PRKAR1A: variants seen among roughly 807,000 people sequenced by gnomAD.
PRKAR1A encodes cAMP-dependent protein kinase type I-alpha regulatory subunit.
In PRKAR1A, 3 loss-of-function variants were observed where a neutral mutation model predicts 52.0. The observed-to-expected ratio is 0.06, with a 90% confidence interval of 0.03 to 0.15. The LOEUF is 0.15. Among genes scored for constraint, PRKAR1A ranks in the 10% least tolerant of loss-of-function variants. The probability of loss-of-function intolerance (pLI) is 1.00; values close to 1 mark genes in which losing one functional copy is unlikely to be tolerated. For synonymous variants in PRKAR1A, 188 were observed against 168.4 expected (o/e 1.12, Z -0.90); for missense variants, 240 against 477.4 (o/e 0.50, Z 4.63).
At chr17:68,515,261 C>A in intron 1 of PRKAR1A, 133 bp from the exon 2 acceptor site, 1 of 923,818 alleles carries the variant, frequency 1.1e-6, no homozygotes, top group Non-Finnish European at 1.7e-6. Flanking sequence ...TCCCCACTTC[C>A]CTGTTTAAAA....
chr17:68,419,131 C>T, the PRKAR1A span, among the ~76,000 whole-genome samples: 3 of 152,178 alleles, frequency 2.0e-5, no homozygotes, highest in South Asian at 4.1e-4. Context: ...TTCGAATCCA[C>T]GTAAGACTGT....
chr17:68,451,409 G>C, the PRKAR1A span, among the ~76,000 whole-genome samples: 1 of 152,180 alleles, frequency 6.6e-6, no homozygotes, highest in South Asian at 2.1e-4. Flanking sequence ...ACTCCAGCCT[G>C]GGCGACAAGC....
chr17:68,504,198 C>T, the PRKAR1A span, among the ~76,000 whole-genome samples: 1 of 152,206 alleles, frequency 6.6e-6, no homozygotes, highest in South Asian at 2.1e-4. Context: ...GGCATGGTGA[C>T]TCACACCTGT....
chr17:68,533,466 TTC>T, downstream of PRKAR1A: 1 of 1,025,374 alleles, frequency 9.8e-7, no homozygotes, highest in Non-Finnish European at 1.2e-6. Flanking sequence ...TATAGTTGAA[TTC>T]TCTCTAAACA....
At chr17:68,474,457 T>G in the PRKAR1A span, among the ~76,000 whole-genome samples, 2 of 152,302 alleles carry the variant, frequency 1.3e-5, no homozygotes, top group Non-Finnish European at 2.9e-5. Flanking sequence ...GGGGCCCGCT[T>G]GATCTCCGGT....
the PRKAR1A span, among the ~76,000 whole-genome samples, chr17:68,461,985 G>A: frequency 6.6e-6 from 1 of 152,178 alleles, no homozygotes; most frequent in Non-Finnish European, 1.5e-5. This position sits in a 1 kb window ranked among gnomAD's most constrained non-coding sequence, Gnocchi z 4.6. Flanking sequence ...TGGCTGCAGT[G>A]AATGAAGAGG....
downstream of PRKAR1A, among the ~76,000 whole-genome samples, chr17:68,534,340 G>C (rs943445008): frequency 6.6e-6 from 1 of 152,130 alleles, no homozygotes; most frequent in African/African-American, 2.4e-5. Context: ...TGAGTTAACT[G>C]TTGATCCTTA....
At chr17:68,469,183 T>C in the PRKAR1A span, among the ~76,000 whole-genome samples, 1 of 149,424 alleles carries the variant, frequency 6.7e-6, no homozygotes, top group South Asian at 2.2e-4. Flanking sequence ...TCACTCATTT[T>C]GCACCATTTT....
In PRKAR1A at chr17:68,533,203, T is replaced by C. The variant is rs1425114513; in HGVS notation, c.*2754T>C. On this transcript the variant is annotated 3_prime_UTR_variant, in exon 11 of 11. Transcript: ENST00000589228. ...ATAAAGCCTCATATATAAAGCCTTATTTCTGATGCTCTTAGATTTCTGAGG... is the reference window on the plus strand; with the variant it reads ...ATAAAGCCTCATATATAAAGCCTTACTTCTGATGCTCTTAGATTTCTGAGG... 9.5e-7 allele frequency: 1 copy of C among 1,057,332 alleles called. No homozygotes were observed. The highest frequency in any genetic ancestry group is 1.6e-5 in the African/African-American group (1 of 60,908). The allele number at this position is 1,057,332 out of a possible 1,614,324, so 65.5% of individuals were successfully genotyped here. A position where few individuals can be genotyped will look rare whatever the true frequency, so the allele number is the denominator to read the frequency against.
intron 9 of PRKAR1A, 95 bp downstream of exon 9, chr17:68,529,086 G>A (rs2085884143): frequency 1.4e-6 from 2 of 1,446,530 alleles, no homozygotes; most frequent in Middle Eastern, 2.3e-4. Flanking sequence ...GGAAAGAGTG[G>A]GCTAATTCTG....
chr17:68,464,792 G>A, the PRKAR1A span, among the ~76,000 whole-genome samples: 13 of 151,988 alleles, frequency 8.6e-5, no homozygotes, highest in African/African-American at 3.1e-4. Flanking sequence ...TTCATAGAAC[G>A]AGGTGTAAGA....
the PRKAR1A span, among the ~76,000 whole-genome samples, chr17:68,482,444 A>C: frequency 2.6e-5 from 4 of 152,232 alleles, no homozygotes; most frequent in African/African-American, 9.6e-5. Flanking sequence ...TATAATATAG[A>C]AACAAGGATT....
the PRKAR1A span, among the ~76,000 whole-genome samples, chr17:68,485,140 C>G: frequency 1.3e-5 from 2 of 152,114 alleles, no homozygotes; most frequent in African/African-American, 4.8e-5. Context: ...TTTTACCCAC[C>G]AAACTATCAT....
chr17:68,497,491 T>C, the PRKAR1A span, among the ~76,000 whole-genome samples: 1 of 152,190 alleles, frequency 6.6e-6, no homozygotes, highest in Non-Finnish European at 1.5e-5. Flanking sequence ...CTAGTACCCC[T>C]AAGGAAAAGA....
chr17:68,547,153 C>T (rs1424461433), intron 11 of PRKAR1A, among the ~76,000 whole-genome samples: 3 of 152,120 alleles, frequency 2.0e-5, no homozygotes, highest in Non-Finnish European at 4.4e-5. Flanking sequence ...TTTAGCATCA[C>T]TCTTGAGGGC....
the PRKAR1A span, chr17:68,436,438 C>T: frequency 1.2e-6 from 2 of 1,613,994 alleles, no homozygotes; most frequent in Non-Finnish European, 1.7e-6. Context: ...CCAGGATAGG[C>T]CAGGTAAGAA....
In PRKAR1A at chr17:68,522,787, A is replaced by G; in HGVS notation, c.209A>G (p.Lys70Arg). The G allele has an allele frequency of 6.2e-7, 1 of 1,614,126 alleles. No homozygotes were observed. The highest frequency in any genetic ancestry group is 8.5e-7 in the Non-Finnish European group (1 of 1,179,992). Reference protein sequence around the residue: ...EEAKQIQNLQKAGTRTDSRED... With the variant: ...EEAKQIQNLQRAGTRTDSRED... ...GCAAAACAGATTCAGAATCTGCAGA[A>G]AGCAGGCACTCGTACAGACTCAAGG... Residue 70 changes from lysine (K) to arginine (R), a missense_variant, in exon 3 of 11, where the codon AAA becomes AGA. Physicochemically the swap from Lys to Arg is conservative, Grantham distance 26. This residue lies in a region of PRKAR1A where 107 missense variants were observed against 114.6 expected (regional missense o/e 0.93). Coordinates refer to ENST00000589228, the MANE Select transcript of PRKAR1A (RefSeq NM_002734.5).
chr17:68,468,844 A>G, the PRKAR1A span, among the ~76,000 whole-genome samples: 2 of 152,184 alleles, frequency 1.3e-5, no homozygotes, highest in Non-Finnish European at 2.9e-5. Context: ...AACATCAAGC[A>G]GACAAGACAT....
the PRKAR1A span, among the ~76,000 whole-genome samples, chr17:68,486,533 CTTTCTT>C: frequency 1.6e-5 from 2 of 125,972 alleles, no homozygotes; most frequent in Non-Finnish European, 3.3e-5. Flanking sequence ...TTCTTTCTTT[CTTTCTT>C]TCTTTCTTTC....
Sources: gnomAD v4.1 joint callset for allele counts (sites outside exome capture counted in the v4.1 genomes callset) on GRCh38, gnomAD v4.1.1 for gene constraint, gnomAD v4.1.1 regional missense constraint, Gnocchi (gnomAD v3.1) non-coding constraint, MANE v1.5 for transcripts, NCBI Gene and HGNC (gene_info 2026-07-23, HGNC 2026-07-21) for gene names.